The following ZNF329 variants were observed in gnomAD, a reference collection of about 807,000 sequenced individuals.
The protein encoded by ZNF329 is zinc finger protein 329.
ZNF329 carries 15 observed loss-of-function variants against 26.6 expected under a neutral mutation model. That is an observed-to-expected ratio of 0.56 (90% CI 0.38 to 0.87). ZNF329 has a LOEUF of 0.87. ZNF329 is among the 40% of genes least tolerant of loss of function. The pLI is 0.00. For synonymous variants in ZNF329, 239 were observed against 233.5 expected (o/e 1.02, Z -0.21); for missense variants, 651 against 651.9 (o/e 1.00, Z 0.02).
intron 1 of ZNF329, among the ~76,000 whole-genome samples, chr19:58,148,910 T>C (rs560844656): frequency 1.6e-4 from 25 of 152,296 alleles, no homozygotes; most frequent in African/African-American, 4.3e-4. Flanking sequence ...TCAGAGGCGT[T>C]TGAACCAAAG....
intron 3 of ZNF329, among the ~76,000 whole-genome samples, chr19:58,137,297 T>C (rs888212446): frequency 6.6e-6 from 1 of 152,130 alleles, no homozygotes; most frequent in African/African-American, 2.4e-5. Flanking sequence ...CTCACACCTA[T>C]AATCCCAGCA....
intron 3 of ZNF329, chr19:58,136,677 C>T (rs1466522250): frequency 1.1e-5 from 1 of 88,028 alleles, no homozygotes; most frequent in Non-Finnish European, 2.1e-5. Context: ...CAGAGTAAGA[C>T]TGTCTCCAAA....
intron 3 of ZNF329, among the ~76,000 whole-genome samples, chr19:58,138,202 G>A (rs1199532594): frequency 2.0e-5 from 3 of 151,970 alleles, no homozygotes; most frequent in Non-Finnish European, 4.4e-5. Context: ...AATACATTCA[G>A]AAAGTAATAT....
At chr19:58,149,247 G>A (rs1415985993) in intron 1 of ZNF329, among the ~76,000 whole-genome samples, 2 of 152,182 alleles carry the variant, frequency 1.3e-5, no homozygotes, top group African/African-American at 4.8e-5. Flanking sequence ...ATATAATCAA[G>A]AAATAACCAT....
intron 3 of ZNF329, among the ~76,000 whole-genome samples, chr19:58,140,235 A>G (rs903265258): frequency 6.6e-6 from 1 of 152,136 alleles, no homozygotes; most frequent in Non-Finnish European, 1.5e-5. Context: ...TGCCCCCAGA[A>G]TTGTATTGAT....
chr19:58,146,939 A>C (rs1320421863), intron 1 of ZNF329, among the ~76,000 whole-genome samples: 1 of 152,082 alleles, frequency 6.6e-6, no homozygotes. Context: ...GGCCTCCCAA[A>C]GTGCCGAGAG....
At chr19:58,133,306 C>T (rs1217612847) in intron 3 of ZNF329, among the ~76,000 whole-genome samples, 1 of 152,186 alleles carries the variant, frequency 6.6e-6, no homozygotes, top group Non-Finnish European at 1.5e-5. Context: ...GTTTCAGAGG[C>T]TGGATGTGGT....
At chr19:58,137,809 C>CAAAAAAAAAAAAA (rs72295173) in intron 3 of ZNF329, among the ~76,000 whole-genome samples, 30 of 76,222 alleles carry the variant, frequency 3.9e-4, no homozygotes, top group African/African-American at 4.5e-4. Context: ...ACAAAAAATA[C>CAAAAAAAAAAAAA]AAAAAAAAAA....
Position 58,127,788 on chromosome 19 carries a change from T to C in ZNF329, c.*90A>G. 1 of 1,268,984 alleles carries C rather than the reference T, an allele frequency of 7.9e-7. No homozygotes were observed. Among genetic ancestry groups the C allele is most frequent in the Non-Finnish European group, 1.1e-6 (1 of 912,394 alleles). The allele number at this position is 1,268,984 out of a possible 1,614,324, so 78.6% of individuals were successfully genotyped here. ...TCACTGGATAGCTTAAAGGATTCTT[T>C]TCTACTGACCAGAGAGGAGTCAGAT... On this transcript the variant is annotated 3_prime_UTR_variant, in exon 4 of 4. Transcript: ENST00000598312.
intron 3 of ZNF329, among the ~76,000 whole-genome samples, chr19:58,138,537 C>T (rs1466948217): frequency 6.6e-6 from 1 of 152,166 alleles, no homozygotes; most frequent in Non-Finnish European, 1.5e-5. Flanking sequence ...GGACCCCTCC[C>T]GTGGAAAGGG....
Position 58,147,159 on chromosome 19 carries a change from C to T in ZNF329, c.-208+3593G>A, listed in dbSNP as rs543571686. On this transcript the variant is annotated intron_variant, in intron 1 of 3. Transcript: ENST00000598312. The stretch of plus-strand genomic sequence containing the variant: ...TGAGATGTGGGGAGCGCCTCTGCCC[C>T]GCCGCCCCATCTGGGATGTGAGGAG... 1.0e-3 allele frequency among the ~76,000 whole-genome samples: 153 copies of T among 149,026 alleles called. No individual in the cohort carries two copies. In the Middle Eastern group the frequency reaches 0.017, roughly 17 times the overall value.
At chr19:58,148,502 G>GAAA (rs200681426) in intron 1 of ZNF329, among the ~76,000 whole-genome samples, 6 of 142,828 alleles carry the variant, frequency 4.2e-5, no homozygotes, top group African/African-American at 1.3e-4. Context: ...TTAGTTTTTT[G>GAAA]AAAAAAAAAA....
chr19:58,134,147 TTG>T (rs2075013672), intron 3 of ZNF329, among the ~76,000 whole-genome samples: 1 of 152,242 alleles, frequency 6.6e-6, no homozygotes, highest in Non-Finnish European at 1.5e-5. Flanking sequence ...ATGATTTTGG[TTG>T]TCAGTCTGAC....
chr19:58,146,474 T>A (rs1375735884), intron 1 of ZNF329, among the ~76,000 whole-genome samples: 1 of 126,922 alleles, frequency 7.9e-6, no homozygotes. Flanking sequence ...ATTCCATCTT[T>A]AAAAAAAAAA....
chr19:58,144,105 A>G (rs1196933719), intron 1 of ZNF329, among the ~76,000 whole-genome samples: 2 of 152,230 alleles, frequency 1.3e-5, no homozygotes, highest in South Asian at 4.1e-4. Context: ...ATAAATAAAT[A>G]TAGAACTACA....
chr19:58,127,823 G>T lies in ZNF329; in HGVS notation c.*55C>A. On this transcript the variant is annotated 3_prime_UTR_variant, in exon 4 of 4. Coordinates refer to ENST00000598312, the MANE Select transcript of ZNF329 (RefSeq NM_024620.4). Reference sequence around the variant, plus strand: ...CAGAGAGGAGTCAGATCTAAGACACGCCTCCTAAACACAGGAGTGAGAGTG... The same window carrying T: ...CAGAGAGGAGTCAGATCTAAGACACTCCTCCTAAACACAGGAGTGAGAGTG... 1 of 1,479,210 alleles carries T rather than the reference G, an allele frequency of 6.8e-7. No individual in the cohort carries two copies. 91.6% of individuals were successfully genotyped at this position (1,479,210 alleles called of 1,614,324 possible). A position where few individuals can be genotyped will look rare whatever the true frequency, so the allele number is the denominator to read the frequency against.
In ZNF329 at chr19:58,129,394, C is replaced by A. The variant is rs1241932336; in HGVS notation, c.110G>T (p.Gly37Val). 6.2e-7 allele frequency: 1 copy of A among 1,614,082 alleles called. No individual in the cohort carries two copies. The highest frequency in any genetic ancestry group is 2.2e-5 in the East Asian group (1 of 44,898). The change falls in exon 4 of 4, where the codon GGT becomes GTT. Residue 37 changes from glycine to valine, a missense_variant. Physicochemically the swap from Gly to Val is moderately radical, Grantham distance 109. Coordinates refer to ENST00000598312, the MANE Select transcript of ZNF329 (RefSeq NM_024620.4). ...EVPCLSSLGD[G>V]WDCENQEGHL... ...TCCCTCCTGGTTCTCACAGTCCCAA[C>A]CATCACCTAAACTGGACAAGCAGGG...
In ZNF329 at chr19:58,127,857, G is replaced by C. The variant is rs757226062; in HGVS notation, c.*21C>G. 3 of 1,555,452 alleles carry C rather than the reference G, an allele frequency of 1.9e-6. No homozygotes were observed. The African/African-American group carries it at 4.1e-5, about 21-fold the overall frequency. On this transcript the variant is annotated 3_prime_UTR_variant, in exon 4 of 4. Transcript: ENST00000598312. ...ACACAGGAGTGAGAGTGAACTGGAA[G>C]ACTCATGTGGCCCCCAACCATTATG...
chr19:58,144,308 A>C (rs1293601152), intron 1 of ZNF329, among the ~76,000 whole-genome samples: 1 of 147,142 alleles, frequency 6.8e-6, no homozygotes, highest in African/African-American at 2.5e-5. Flanking sequence ...CTGAGTAGCC[A>C]GGACTACAGG....
Sources: gnomAD v4.1 joint callset for allele counts (sites outside exome capture counted in the v4.1 genomes callset) on GRCh38, gnomAD v4.1.1 for gene constraint, MANE v1.5 for transcripts, NCBI Gene and HGNC (gene_info 2026-07-23, HGNC 2026-07-21) for gene names.